SPTLC2: variants seen among roughly 807,000 people sequenced by gnomAD.
SPTLC2 encodes serine palmitoyltransferase 2.
Under a neutral mutation model 62.0 loss-of-function variants are expected in SPTLC2, and 21 were observed. The observed-to-expected ratio is 0.34, with a 90% CI of 0.24 to 0.49. The LOEUF is 0.49. Ranked by LOEUF, SPTLC2 falls within the 20% of genes least tolerant of loss-of-function variation. The pLI is 0.99. For synonymous variants in SPTLC2, 261 were observed against 261.8 expected (o/e 1.00, Z 0.03); for missense variants, 511 against 713.0 (o/e 0.72, Z 3.23).
intron 9 of SPTLC2, among the ~76,000 whole-genome samples, chr14:77,548,010 C>A (rs572487887): frequency 6.6e-6 from 1 of 150,996 alleles, no homozygotes; most frequent in Non-Finnish European, 1.5e-5. Flanking sequence ...TGAGCCAAAC[C>A]TAGTTTTAAT....
chr14:77,559,086 G>A (rs906723506), intron 6 of SPTLC2, among the ~76,000 whole-genome samples: 8 of 152,166 alleles, frequency 5.3e-5, no homozygotes, highest in East Asian at 1.9e-4. Flanking sequence ...TTGGGAGACC[G>A]AGGCGGGTGA....
At chr14:77,523,521 C>G (rs150521878) in intron 9 of SPTLC2, among the ~76,000 whole-genome samples, 92 of 152,196 alleles carry the variant, frequency 6.0e-4, no homozygotes, top group African/African-American at 2.1e-3. Flanking sequence ...GCTGAAGGGT[C>G]CCTTTGAACT....
chr14:77,530,690 T>C (rs2079433840), intron 9 of SPTLC2, among the ~76,000 whole-genome samples: 1 of 152,180 alleles, frequency 6.6e-6, no homozygotes, highest in Non-Finnish European at 1.5e-5. Flanking sequence ...TTAAGAGTTA[T>C]GTTACAGCTA....
At chr14:77,525,832 T>C (rs1466165935) in intron 9 of SPTLC2, among the ~76,000 whole-genome samples, 2 of 152,152 alleles carry the variant, frequency 1.3e-5, no homozygotes, top group Non-Finnish European at 2.9e-5. Flanking sequence ...GAGAATGGCA[T>C]GAACCCAGGA....
At chr14:77,607,192 A>G (rs76716422) in intron 1 of SPTLC2, among the ~76,000 whole-genome samples, 7,740 of 152,310 alleles carry the variant, frequency 0.051, 355 homozygotes, top group Admixed American at 0.15. Context: ...AAACACATAC[A>G]AAGTAATAAG....
intron 2 of SPTLC2, among the ~76,000 whole-genome samples, chr14:77,595,143 C>A (rs559199854): frequency 2.6e-4 from 40 of 152,122 alleles, no homozygotes; most frequent in African/African-American, 9.4e-4. Context: ...GCAGGTGGAT[C>A]GTTTGAGGTC....
rs2079322176 is a variant in SPTLC2, at chr14:77,509,562, A to C, written c.*2722T>G. 4.1e-6 allele frequency: 1 copy of C among 242,272 alleles called. No individual in the cohort carries two copies. The highest frequency in any genetic ancestry group is 7.8e-6 in the Non-Finnish European group (1 of 127,934). 15.0% of individuals were successfully genotyped at this position (242,272 alleles called of 1,614,324 possible). ...GTTAACCGGTATCTGTTTGAATCCT[A>C]TCAGAGTCTTGAATCAGGCCGTGTT... On this transcript the variant is annotated 3_prime_UTR_variant, in exon 12 of 12. Transcript: ENST00000216484.
chr14:77,549,193 A>G (rs1018457192), intron 9 of SPTLC2, among the ~76,000 whole-genome samples: 1 of 151,080 alleles, frequency 6.6e-6, no homozygotes, highest in Non-Finnish European at 1.5e-5. Flanking sequence ...TGGTTGTTTA[A>G]AAAAGCATGG....
At chr14:77,573,198 G>C (rs7145619) in intron 4 of SPTLC2, among the ~76,000 whole-genome samples, 2 of 151,814 alleles carry the variant, frequency 1.3e-5, no homozygotes, top group African/African-American at 4.8e-5. Flanking sequence ...TAGGGGGAGC[G>C]GGGGAGATGA....
Position 77,558,472 on chromosome 14 carries a change from G to C in SPTLC2, c.851-1326C>G, listed in dbSNP as rs2063490315. 1.3e-5 allele frequency among the ~76,000 whole-genome samples: 2 copies of C among 152,094 alleles called. 1 individual carries two copies. The highest frequency in any genetic ancestry group is 4.1e-4 in the South Asian group (2 of 4,834). On this transcript the variant is annotated intron_variant, in intron 6 of 11. Coordinates refer to ENST00000216484, the MANE Select transcript of SPTLC2 (RefSeq NM_004863.4). The stretch of plus-strand genomic sequence containing the variant: ...AAAGAGATAAGGTAATAAAAACACA[G>C]AACACAAACACAAATAAGATAGTCT...
intron 1 of SPTLC2, among the ~76,000 whole-genome samples, chr14:77,598,995 T>C (rs533923330): frequency 1.3e-5 from 2 of 151,802 alleles, no homozygotes; most frequent in South Asian, 2.1e-4. Flanking sequence ...AGGGGAAAAA[T>C]TGTTAGTAAC....
intron 1 of SPTLC2, among the ~76,000 whole-genome samples, chr14:77,606,614 G>T (rs2079906783): frequency 6.6e-6 from 1 of 151,946 alleles, no homozygotes. Context: ...ATTCCACCGA[G>T]AAACTCAAAA....
intron 4 of SPTLC2, among the ~76,000 whole-genome samples, chr14:77,571,791 C>CT (rs544966954): frequency 9.2e-5 from 14 of 151,942 alleles, no homozygotes; most frequent in Non-Finnish European, 1.5e-4. Flanking sequence ...TACGTTTGAG[C>CT]TTTTTTTCTT....
At chr14:77,525,676 T>C (rs1052436934) in intron 9 of SPTLC2, among the ~76,000 whole-genome samples, 4 of 152,084 alleles carry the variant, frequency 2.6e-5, no homozygotes, top group Non-Finnish European at 5.9e-5. Context: ...TTTGGGAGGC[T>C]GAAGCGGGCG....
intron 2 of SPTLC2, among the ~76,000 whole-genome samples, chr14:77,593,969 G>A (rs1002864967): frequency 2.0e-5 from 3 of 152,186 alleles, no homozygotes; most frequent in Non-Finnish European, 4.4e-5. Context: ...AATGGCAGAA[G>A]TTGGCTGTTT....
At chr14:77,606,373 CTGTGTG>C (rs59065946) in intron 1 of SPTLC2, among the ~76,000 whole-genome samples, 21 of 148,342 alleles carry the variant, frequency 1.4e-4, no homozygotes, top group South Asian at 6.5e-4. Flanking sequence ...AGGGAGGGGA[CTGTGTG>C]TGTGTGTGTG....
chr14:77,599,366 G>A (rs1051173546), intron 1 of SPTLC2, among the ~76,000 whole-genome samples: 2 of 152,116 alleles, frequency 1.3e-5, no homozygotes, highest in African/African-American at 2.4e-5. Context: ...TCAGAGATAC[G>A]ATATAAACAA....
chr14:77,538,417 T>C (rs1378112367), intron 9 of SPTLC2, among the ~76,000 whole-genome samples: 1 of 152,248 alleles, frequency 6.6e-6, no homozygotes, highest in Non-Finnish European at 1.5e-5. Context: ...CACAGAGATA[T>C]GCTTGCATGG....
intron 1 of SPTLC2, among the ~76,000 whole-genome samples, chr14:77,608,045 C>T (rs1419362045): frequency 6.6e-6 from 1 of 152,138 alleles, no homozygotes; most frequent in Non-Finnish European, 1.5e-5. Flanking sequence ...CAGCTGAAGC[C>T]CTTGGTAAGA....
Sources: allele counts gnomAD v4.1 joint callset (sites outside exome capture counted in the v4.1 genomes callset), GRCh38; gene constraint gnomAD v4.1.1; transcripts MANE v1.5; gene names NCBI Gene and HGNC (gene_info 2026-07-23, HGNC 2026-07-21).